Variants in ANO7 observed in about 807,000 individuals in gnomAD.
The protein encoded by ANO7 is anoctamin-7.
Under a neutral mutation model 115.8 loss-of-function variants are expected in ANO7, and 114 were observed. The ratio of observed to expected loss-of-function variants is 0.98; its 90% CI spans 0.85 to 1.15. ANO7 has a LOEUF of 1.15. ANO7 is among the 50% of genes most tolerant of loss of function. The probability of loss-of-function intolerance (pLI) is 0.00; values close to 1 mark genes in which losing one functional copy is unlikely to be tolerated. For missense variants in ANO7, 1,302 were observed against 1,201.2 expected, an observed-to-expected ratio of 1.08 and a Z score of -1.24; for synonymous variants, 550 against 498.2, an observed-to-expected ratio of 1.10 and a Z score of -1.38.
intron 4 of ANO7, among the ~76,000 whole-genome samples, chr2:241,197,674 A>G (rs1403993372): frequency 7.4e-6 from 1 of 135,846 alleles, no homozygotes; most frequent in Admixed American, 7.6e-5. Context: ...TTTTTTAGAC[A>G]GGGTCTGAAT....
chr2:241,230,144 G>A, downstream of ANO7: 4 of 1,607,078 alleles, frequency 2.5e-6, no homozygotes, highest in South Asian at 1.1e-5. The surrounding 1 kb of genome is among the most constrained non-coding windows in gnomAD (Gnocchi z 5.0). Context: ...AAGGCCCACA[G>A]AGACTCACGT....
intron 15 of ANO7, among the ~76,000 whole-genome samples, chr2:241,211,204 G>A (rs2068711790): frequency 6.6e-6 from 1 of 152,206 alleles, no homozygotes. Context: ...CAGGCTGCAA[G>A]GTCCCCCAGG....
chr2:241,208,832 C>T (rs1346587150), intron 11 of ANO7, among the ~76,000 whole-genome samples: 2 of 152,210 alleles, frequency 1.3e-5, no homozygotes. Flanking sequence ...AATTCCTCTC[C>T]CTCTGTGGGT....
At chr2:241,221,727 G>A (rs1242900755) in intron 21 of ANO7, among the ~76,000 whole-genome samples, 1 of 151,834 alleles carries the variant, frequency 6.6e-6, no homozygotes, top group Non-Finnish European at 1.5e-5. Flanking sequence ...GCCAAGGCTG[G>A]AGTGCAGTGG....
chr2:241,212,340 G>C, intron 16 of ANO7, 135 bp downstream of exon 16: 1 of 981,126 alleles, frequency 1.0e-6, no homozygotes. Flanking sequence ...CCAGGCAGGG[G>C]ACAGGGGCCC....
At chr2:241,190,277 G>A (rs1299582778) in intron 2 of ANO7, 106 bp downstream of exon 2, 12 of 975,648 alleles carry the variant, frequency 1.2e-5, no homozygotes, top group South Asian at 3.3e-5. Flanking sequence ...GGGCATCACC[G>A]TGTTTCTCCT....
rs573170763 is a variant in ANO7 at position 241,203,610 on chromosome 2, C to T, written c.889+112C>T. On this transcript the variant is annotated intron_variant, in intron 9 of 24. Transcript: ENST00000674324. The surrounding 1 kb of genome is among the most constrained non-coding windows in gnomAD (Gnocchi z 4.8). ...AGGGCAGCGTGCGTGGGGGCCTGGA[C>T]GGTGGGCGCAGCTCTTGGCTCGACC... 7.2e-4 allele frequency: 557 copies of T among 777,982 alleles called. 2 individuals carry two copies. In the African/African-American group the frequency reaches 8.2e-3, roughly 12 times the overall value. 48.2% of individuals were successfully genotyped at this position (777,982 alleles called of 1,614,324 possible).
In ANO7 at chr2:241,224,159, G is replaced by C. The variant is rs1015116121; in HGVS notation, c.*6G>C. 19 of 1,613,912 alleles carry C rather than the reference G, an allele frequency of 1.2e-5. No homozygotes were observed. In the Middle Eastern group the frequency reaches 4.9e-4, roughly 42 times the overall value. ...CCAGCCAGCTGCAGCAGTGACGCCT[G>C]GAAGGACATCTGGTGGTCCTTAGGG... On this transcript the variant is annotated 3_prime_UTR_variant, in exon 25 of 25. Coordinates refer to ENST00000674324, the MANE Select transcript of ANO7 (RefSeq NM_001370694.2).
chr2:241,213,660 CA>C (rs994406242), intron 17 of ANO7, among the ~76,000 whole-genome samples: 20 of 152,356 alleles, frequency 1.3e-4, no homozygotes, highest in African/African-American at 4.8e-4. Context: ...TCGCAGGCAG[CA>C]GGGTGGGTGC....
intron 4 of ANO7, 61 bp downstream of exon 4, chr2:241,195,906 C>T: frequency 6.2e-7 from 1 of 1,613,932 alleles, no homozygotes. Context: ...GACCCATGAC[C>T]TTGCCGCATG....
At position 241,218,283 on chromosome 2, in the gene ANO7, C is replaced by T. The variant is rs1284507373; in HGVS notation, c.2223C>T (p.Tyr741=). Residue 741 remains tyrosine (Y), a synonymous_variant, in exon 21 of 25, where the codon TAC becomes TAT. Transcript: ENST00000674324. ...CGTCCGACTTCCTGCCGCGCGCCTA[C>T]TACCGGTGGACCCGCGCCCACGACC... is the stretch of plus-strand genomic sequence containing the variant. ...AFSSDFLPRA[Y]YRWTRAHDLR... is the part of the protein sequence containing the mutation. 1 of 1,536,076 alleles carries T rather than the reference C, an allele frequency of 6.5e-7. No individual in the cohort carries two copies. Among genetic ancestry groups the T allele is most frequent in the Non-Finnish European group, 8.7e-7 (1 of 1,149,026 alleles).
At chr2:241,197,695 G>A (rs1429479414) in intron 4 of ANO7, among the ~76,000 whole-genome samples, 2 of 150,024 alleles carry the variant, frequency 1.3e-5, no homozygotes, top group Admixed American at 6.7e-5. Flanking sequence ...CTGTCACCCA[G>A]GCTGGAGTAC....
intron 13 of ANO7, 72 bp downstream of exon 13, chr2:241,209,707 C>T (rs1223688639): frequency 6.1e-6 from 9 of 1,486,052 alleles, no homozygotes; most frequent in African/African-American, 2.8e-5. Flanking sequence ...TGTCCCCCAT[C>T]TCACCTTGGT....
In ANO7 at chr2:241,209,559, G is replaced by T; in HGVS notation, c.1283G>T (p.Gly428Val). Residue 428 changes from glycine to valine, a missense_variant, in exon 13 of 25, where the codon GGT (glycine) becomes GTT (valine). Physicochemically the swap from Gly to Val is moderately radical, Grantham distance 109. Coordinates refer to ENST00000674324, the MANE Select transcript of ANO7 (RefSeq NM_001370694.2). Reference protein sequence around the residue: ...APMTAPNPITGEDEPYFPERS... With the variant: ...APMTAPNPITVEDEPYFPERS... ...ATGACAGCCCCGAACCCCATCACGG[G>T]TGAGGACGAGCCCTACTTCCCTGAG... is the stretch of plus-strand genomic sequence containing the variant. 1 of 1,601,932 alleles carries T rather than the reference G, an allele frequency of 6.2e-7. No individual in the cohort carries two copies. The highest frequency in any genetic ancestry group is 1.3e-5 in the African/African-American group (1 of 74,884).
chr2:241,211,984 AT>A, intron 15 of ANO7, 109 bp from the exon 16 acceptor site: 1 of 726,042 alleles, frequency 1.4e-6, no homozygotes, highest in Admixed American at 2.2e-5. Flanking sequence ...TATCTGGATG[AT>A]ATGGCCTTTT....
At chr2:241,230,474 G>A (rs531827638), downstream of ANO7, among the ~76,000 whole-genome samples, 11 of 152,348 alleles carry the variant, frequency 7.2e-5, no homozygotes, top group South Asian at 2.1e-4. The surrounding 1 kb of genome is among the most constrained non-coding windows in gnomAD (Gnocchi z 5.0). Flanking sequence ...ACAGAGGGCC[G>A]CAGCACGTAC....
chr2:241,213,957 G>A lies in ANO7; in HGVS notation c.1729-848G>A, dbSNP rs188919006. Among the ~76,000 whole-genome samples the A allele has an allele frequency of 2.6e-5, 4 of 152,358 alleles. No individual in the cohort carries two copies. In the East Asian group the frequency reaches 7.7e-4, roughly 29 times the overall value. On this transcript the variant is annotated intron_variant, in intron 17 of 24. Transcript: ENST00000674324. ...GCCAGAGGGCTCTCAATTGTTAAGT[G>A]GGAAAAGTTCCCAACTCAAACTGGC... is the stretch of plus-strand genomic sequence containing the variant.
chr2:241,215,991 C>A, intron 18 of ANO7, 102 bp from the exon 19 acceptor site: 1 of 1,439,608 alleles, frequency 6.9e-7, no homozygotes, highest in Non-Finnish European at 9.3e-7. Context: ...CCTTCAATTG[C>A]AAAGCAACAG....
At chr2:241,234,013 T>C in the ANO7 span, 9 of 1,601,378 alleles carry the variant, frequency 5.6e-6, 1 homozygote, top group African/African-American at 2.7e-5. Context: ...TGATCCACCC[T>C]GTGACTCCAT....
Sources: allele counts gnomAD v4.1 joint callset (sites outside exome capture counted in the v4.1 genomes callset), GRCh38; gene constraint gnomAD v4.1.1; non-coding constraint Gnocchi (gnomAD v3.1); transcripts MANE v1.5; gene names NCBI Gene and HGNC (gene_info 2026-07-23, HGNC 2026-07-21).